The following RPL5 variants were observed in gnomAD, a reference collection of about 807,000 sequenced individuals.
RPL5 encodes the protein large ribosomal subunit protein uL18.
In RPL5, 1 loss-of-function variant was observed where a neutral mutation model predicts 38.4. The observed-to-expected ratio is 0.03, with a 90% CI of 0.01 to 0.12. The LOEUF is 0.12. RPL5 is among the 10% of genes least tolerant of loss of function. The pLI, the probability that RPL5 is intolerant of heterozygous loss-of-function variation, is 1.00. For missense variants in RPL5, 243 were observed against 374.1 expected (o/e 0.65, Z 2.89); for synonymous variants, 109 against 121.2 (o/e 0.90, Z 0.66).
At chr1:92,839,881 C>T (rs560644554) in intron 6 of RPL5, among the ~76,000 whole-genome samples, 1 of 151,432 alleles carries the variant, frequency 6.6e-6, no homozygotes, top group Non-Finnish European at 1.5e-5. Context: ...TGTTCTGTTT[C>T]CTGGGCTGGG....
intron 4 of RPL5, 76 bp from the exon 5 acceptor site, chr1:92,836,114 G>T (rs1288670513): frequency 7.3e-7 from 1 of 1,372,634 alleles, no homozygotes; most frequent in East Asian, 2.3e-5. Flanking sequence ...GGTCCTTACG[G>T]TTATGACATA....
intron 6 of RPL5, among the ~76,000 whole-genome samples, chr1:92,840,008 ATTTTTT>A (rs111307161): frequency 4.3e-5 from 6 of 138,304 alleles, no homozygotes; most frequent in African/African-American, 1.6e-4. Context: ...TGCCCTGCTA[ATTTTTT>A]TTTTTTTTTT....
rs11540843 is a variant in RPL5, at chr1:92,836,248, A to G, written c.383A>G (p.Asp128Gly). 5 of 1,613,574 alleles carry G rather than the reference A, an allele frequency of 3.1e-6. No individual in the cohort carries two copies. The highest frequency in any genetic ancestry group is 4.5e-5 in the East Asian group (2 of 44,904). ...IYEGQVEVTG[D>G]EYNVESIDGQ... ...GAAGGCCAAGTGGAGGTGACTGGTG[A>G]TGAATACAATGTGGAAAGCATTGAT... Residue 128 changes from aspartate (D) to glycine (G), a missense_variant, in exon 5 of 8, where the codon GAT becomes GGT. Coordinates refer to ENST00000370321, the MANE Select transcript of RPL5 (RefSeq NM_000969.5).
intron 5 of RPL5, chr1:92,836,899 T>C (rs1687153503): frequency 4.8e-6 from 1 of 208,070 alleles, no homozygotes; most frequent in Admixed American, 5.3e-5. Flanking sequence ...TGATATTTTT[T>C]GTTGTTGAGT....
rs892935199 is a variant in RPL5 at position 92,837,037 on chromosome 1, G to A, written c.528-419G>A. 1.4e-5 allele frequency: 4 copies of A among 285,666 alleles called. No homozygotes were observed. In the Admixed American group the frequency reaches 2.0e-4, roughly 14 times the overall value. 17.7% of individuals were successfully genotyped at this position (285,666 alleles called of 1,614,324 possible). ...ATTTTGCTTTTATGATGTGGAGGTG[G>A]GTGGGGGGAGTTAGTTGCAAGTACA... On this transcript the variant is annotated intron_variant, in intron 5 of 7. Transcript: ENST00000370321.
chr1:92,833,666 T>C lies in RPL5; in HGVS notation c.189+6T>C. 6.2e-7 allele frequency: 1 copy of C among 1,604,502 alleles called. No homozygotes were observed. ...ACAGAGATATCATTTGTCAGGTAAG[T>C]TGTATTCTAGACAGTCCCCTTTTTT... On this transcript the variant is annotated splice_donor_region_variant and intron_variant, in intron 3 of 7. Coordinates refer to ENST00000370321, the MANE Select transcript of RPL5 (RefSeq NM_000969.5).
intron 6 of RPL5, among the ~76,000 whole-genome samples, chr1:92,838,344 T>A (rs970995338): frequency 6.6e-5 from 10 of 152,238 alleles, no homozygotes; most frequent in Non-Finnish European, 1.5e-4. Flanking sequence ...CTGCGTTATA[T>A]TTCTTTGTTA....
intron 6 of RPL5, chr1:92,837,882 A>C: frequency 1.9e-6 from 1 of 514,306 alleles, no homozygotes. Context: ...CATAGTTGTA[A>C]TCTGCTTTGT....
intron 5 of RPL5, 21 bp downstream of exon 5, chr1:92,836,413 C>G: frequency 3.1e-6 from 5 of 1,606,374 alleles, no homozygotes; most frequent in Non-Finnish European, 4.3e-6. Context: ...TATTTAAGAC[C>G]TTGGTGCCTG....
chr1:92,834,758 C>G (rs543511466), intron 3 of RPL5, 21 bp from the exon 4 acceptor site: 17 of 1,612,070 alleles, frequency 1.1e-5, no homozygotes, highest in Middle Eastern at 2.1e-4. Flanking sequence ...GATTACTAAC[C>G]TAGTTTCTCT....
At chr1:92,836,526 A>C in intron 5 of RPL5, 134 bp downstream of exon 5, 1 of 788,636 alleles carries the variant, frequency 1.3e-6, no homozygotes, top group South Asian at 1.4e-5. Context: ...ACCATGCAGG[A>C]GGAACCTAGT....
intron 7 of RPL5, among the ~76,000 whole-genome samples, chr1:92,841,550 T>A (rs1687363293): frequency 6.6e-6 from 1 of 152,192 alleles, no homozygotes; most frequent in African/African-American, 2.4e-5. Flanking sequence ...ATTTGACTTT[T>A]GGCCCTATGG....
intron 3 of RPL5, 96 bp downstream of exon 3, chr1:92,833,756 G>GC: frequency 1.1e-6 from 1 of 946,646 alleles, no homozygotes; most frequent in Non-Finnish European, 1.7e-6. Flanking sequence ...GGGCTGTCTA[G>GC]CACCTCCAAA....
chr1:92,840,786 CTG>C (rs770640667), intron 7 of RPL5, 147 bp downstream of exon 7: 58 of 748,310 alleles, frequency 7.8e-5, no homozygotes, highest in African/African-American at 5.4e-4. Context: ...GCAAAAGTAA[CTG>C]TGGTGATGGA....
In RPL5 at chr1:92,832,042, T is replaced by G. The variant is rs1371044105; in HGVS notation, c.-73T>G. ...TGCGCCTGCGCAAGGGCTGTGGCCCTTTTCCCACCCCCTAGCGCCGCTGGG... is the reference window on the plus strand; with the variant it reads ...TGCGCCTGCGCAAGGGCTGTGGCCCGTTTCCCACCCCCTAGCGCCGCTGGG... On this transcript the variant is annotated 5_prime_UTR_variant, in exon 1 of 8. Transcript: ENST00000370321. The G allele has an allele frequency of 6.2e-7, 1 of 1,605,138 alleles. No individual in the cohort carries two copies. Among genetic ancestry groups the G allele is most frequent in the Non-Finnish European group, 8.5e-7 (1 of 1,175,962 alleles).
Position 92,841,912 on chromosome 1 carries a change from T to A in RPL5, c.*47T>A, listed in dbSNP as rs72968037. 1.4e-6 allele frequency: 2 copies of A among 1,379,454 alleles called. No individual in the cohort carries two copies. The highest frequency in any genetic ancestry group is 1.4e-5 in the African/African-American group (1 of 69,992). The allele number at this position is 1,379,454 out of a possible 1,614,324, so 85.5% of individuals were successfully genotyped here. A position where few individuals can be genotyped will look rare whatever the true frequency, so the allele number is the denominator to read the frequency against. On this transcript the variant is annotated 3_prime_UTR_variant, in exon 8 of 8. Coordinates refer to ENST00000370321, the MANE Select transcript of RPL5 (RefSeq NM_000969.5). ...TTTTCAGATATAGATAATAAACTTA[T>A]GAACAGCAACTATTTCTGTGTTAAG...
At chr1:92,836,419 G>T (rs1438199342) in intron 5 of RPL5, 27 bp downstream of exon 5, 6 of 1,596,850 alleles carry the variant, frequency 3.8e-6, no homozygotes, top group Non-Finnish European at 5.2e-6. Flanking sequence ...AGACCTTGGT[G>T]CCTGGACCGT....
intron 6 of RPL5, chr1:92,837,839 C>T (rs1032798551): frequency 3.4e-6 from 2 of 580,826 alleles, no homozygotes; most frequent in Non-Finnish European, 6.1e-6. Flanking sequence ...TATGCTTTGG[C>T]TGTTCTGTAT....
At chr1:92,839,303 G>A (rs1229352619) in intron 6 of RPL5, among the ~76,000 whole-genome samples, 1 of 152,174 alleles carries the variant, frequency 6.6e-6, no homozygotes, top group Admixed American at 6.5e-5. Context: ...AGGTTGCACT[G>A]AGCTGGGATC....
Sources: gnomAD v4.1 joint callset for allele counts (sites outside exome capture counted in the v4.1 genomes callset) on GRCh38, gnomAD v4.1.1 for gene constraint, MANE v1.5 for transcripts, NCBI Gene and HGNC (gene_info 2026-07-23, HGNC 2026-07-21) for gene names.